Variants in NLRP5 observed in about 807,000 individuals in gnomAD.
The protein encoded by NLRP5 is NACHT, LRR and PYD domains-containing protein 5.
A neutral mutation model predicts 113.1 loss-of-function variants in NLRP5; 93 were observed. That is an observed-to-expected ratio of 0.82 (90% CI 0.70 to 0.98). The LOEUF (loss-of-function observed/expected upper bound fraction) is 0.98, where lower values mean the gene tolerates loss of function less well. Among genes scored for constraint, NLRP5 ranks in the 50% least tolerant of loss-of-function variants. The pLI is 0.00. For missense variants in NLRP5, 1,808 were observed against 1,514.3 expected, an observed-to-expected ratio of 1.19 and a Z score of -3.22; for synonymous variants, 751 against 600.7, an observed-to-expected ratio of 1.25 and a Z score of -3.66.
In NLRP5 at chr19:56,034,069, G is replaced by A. The variant is rs543934661; in HGVS notation, c.2615+360G>A. ...ATAGGCTTGAGCCACCATACCCAGC[G>A]AGATTTTAATTGTATAGAGGTTGAA... is the stretch of plus-strand genomic sequence containing the variant. On this transcript the variant is annotated intron_variant, in intron 9 of 14. Transcript: ENST00000390649. 9.9e-5 allele frequency among the ~76,000 whole-genome samples: 15 copies of A among 152,270 alleles called. No homozygotes were observed. The South Asian group carries it at 1.7e-3, about 17-fold the overall frequency.
chr19:56,003,019 T>G (rs1419855061), intron 1 of NLRP5, among the ~76,000 whole-genome samples: 2 of 150,116 alleles, frequency 1.3e-5, no homozygotes, highest in Non-Finnish European at 2.9e-5. Context: ...GACCGTAAAC[T>G]AGTTCAGCCA....
At chr19:56,000,263 G>A (rs536516771) in intron 1 of NLRP5, among the ~76,000 whole-genome samples, 11 of 150,836 alleles carry the variant, frequency 7.3e-5, no homozygotes, top group African/African-American at 1.7e-4. Context: ...CTGCTACCTC[G>A]CCACTCTTTT....
rs78886925 is a variant in NLRP5 at position 56,013,109 on chromosome 19, C to T, written c.509-2633C>T. ...ATCCACTTTGTGTCTGTGAATTTTG[C>T]CTTTTCTGGACTTTGCATATAAATG... On this transcript the variant is annotated intron_variant, in intron 3 of 14. Transcript: ENST00000390649. Among the ~76,000 whole-genome samples, 1,114 of 152,200 alleles carry T rather than the reference C, an allele frequency of 7.3e-3. 7 individuals are homozygous for T. The highest frequency in any genetic ancestry group is 0.013 in the Non-Finnish European group (880 of 68,008).
chr19:56,036,755 A>G (rs450720), intron 9 of NLRP5, among the ~76,000 whole-genome samples: 77,220 of 151,978 alleles, frequency 0.51, 20,836 homozygotes, highest in East Asian at 0.74. Flanking sequence ...TCAGGAGATC[A>G]AGACCAGCCT....
At chr19:56,028,573 C>A (rs1167779251) in intron 7 of NLRP5, 64 bp downstream of exon 7, 5 of 1,430,450 alleles carry the variant, frequency 3.5e-6, no homozygotes, top group Admixed American at 2.0e-5. Flanking sequence ...ACTGCTGGGA[C>A]TTGACATGAC....
At chr19:56,021,026 C>T (rs926215671) in intron 6 of NLRP5, among the ~76,000 whole-genome samples, 7 of 152,000 alleles carry the variant, frequency 4.6e-5, no homozygotes, top group East Asian at 1.9e-4. Context: ...GGCCTGCCAC[C>T]ATGCCCGACT....
At chr19:56,047,223 G>A (rs1050349422) in intron 11 of NLRP5, among the ~76,000 whole-genome samples, 3 of 151,692 alleles carry the variant, frequency 2.0e-5, no homozygotes, top group Admixed American at 1.3e-4. Flanking sequence ...GTATTTTTTT[G>A]TTTCAGTTTC....
rs1003142647 is a variant in NLRP5 at position 56,019,362 on chromosome 19, C to T, written c.586C>T (p.Gln196Ter). The change falls in exon 5 of 15, where the codon CAA (glutamine) becomes TAA (stop). Residue 196 changes from glutamine (Q) to a stop codon, truncating the protein, a stop_gained. Coordinates refer to ENST00000390649, the MANE Select transcript of NLRP5 (RefSeq NM_153447.4). LOFTEE classifies it high-confidence loss of function. ...TGCAGAAATTTCACAAGCTATGGAA[C>T]AAGAAGGTGCCACAGCAGCAGAGAC... 3 of 1,613,794 alleles carry T rather than the reference C, an allele frequency of 1.9e-6. No individual in the cohort carries two copies. The African/African-American group carries it at 4.0e-5, about 22-fold the overall frequency.
the NLRP5 span, among the ~76,000 whole-genome samples, chr19:55,990,079 C>CTTTTTTTTTT: frequency 3.1e-5 from 3 of 95,956 alleles, no homozygotes; most frequent in Admixed American, 1.3e-4. Context: ...TTTCTTTTTT[C>CTTTTTTTTTT]TTTTTTTTTT....
chr19:55,988,848 T>A, the NLRP5 span, among the ~76,000 whole-genome samples: 1 of 152,036 alleles, frequency 6.6e-6, no homozygotes, highest in African/African-American at 2.4e-5. Flanking sequence ...GTTGAGAGTC[T>A]TTGTCTTCTG....
chr19:56,040,844 C>T (rs1983495395), intron 10 of NLRP5, 78 bp from the exon 11 acceptor site: 3 of 1,264,166 alleles, frequency 2.4e-6, no homozygotes, highest in South Asian at 1.4e-5. Context: ...TACGTCTTTC[C>T]CCTCCTTGTA....
chr19:56,028,038 A>G lies in NLRP5; in HGVS notation c.1805A>G (p.Glu602Gly), dbSNP rs552601105. ...TTGTACTACGTGTTAGAGGGCCTGG[A>G]AATCGAGCCAGCTCTCTGCCCTCTG... Residue 602 changes from glutamate to glycine, a missense_variant, in exon 7 of 15, where the codon GAA (glutamate) becomes GGA (glycine). Transcript: ENST00000390649. The G allele has an allele frequency of 3.1e-6, 5 of 1,614,038 alleles. No homozygotes were observed. The South Asian group carries it at 4.4e-5, about 14-fold the overall frequency.
At chr19:56,021,563 T>G (rs1982618653) in intron 6 of NLRP5, among the ~76,000 whole-genome samples, 1 of 152,182 alleles carries the variant, frequency 6.6e-6, no homozygotes, top group South Asian at 2.1e-4. Flanking sequence ...GTCATGTAGA[T>G]GGAATCATAT....
chr19:56,053,920 GT>G, intron 13 of NLRP5, 112 bp downstream of exon 13: 2 of 932,740 alleles, frequency 2.1e-6, no homozygotes, highest in Non-Finnish European at 3.3e-6. Flanking sequence ...AGTCCCTCAA[GT>G]TAGATGGAGT....
chr19:56,015,658 A>G, intron 3 of NLRP5, 84 bp from the exon 4 acceptor site: 1 of 1,146,690 alleles, frequency 8.7e-7, no homozygotes, highest in South Asian at 2.0e-5. Flanking sequence ...GGCATGACTA[A>G]GTTTATCTGG....
intron 11 of NLRP5, among the ~76,000 whole-genome samples, chr19:56,045,842 G>A (rs12611165): frequency 0.032 from 4,842 of 152,274 alleles, 107 homozygotes; most frequent in South Asian, 0.074. Context: ...GGTAGAGCAT[G>A]TTACAATGAT....
At position 56,041,027 on chromosome 19, in the gene NLRP5, G is replaced by A; in HGVS notation, c.2892G>A (p.Gly964=). 5 of 1,613,980 alleles carry A rather than the reference G, an allele frequency of 3.1e-6. No individual in the cohort carries two copies. Among genetic ancestry groups the A allele is most frequent in the Non-Finnish European group, 4.2e-6 (5 of 1,179,872 alleles). The change falls in exon 11 of 15, where the codon GGG becomes GGA. Residue 964 remains glycine (G), a synonymous_variant. Coordinates refer to ENST00000390649, the MANE Select transcript of NLRP5 (RefSeq NM_153447.4). ...TGTGCCTATCCAACAACAGCCTGGG[G>A]AACGAAGGTGTAAATCTACTGTGTC...
upstream of NLRP5, among the ~76,000 whole-genome samples, chr19:55,998,713 T>TATATATATATAC (rs1332477650): frequency 8.2e-6 from 1 of 122,170 alleles, no homozygotes; most frequent in Non-Finnish European, 1.6e-5. Flanking sequence ...TGTGTGTGTG[T>TATATATATATAC]GTATATATAT....
intron 2 of NLRP5, 123 bp downstream of exon 2, chr19:56,004,218 A>G: frequency 9.6e-7 from 1 of 1,040,792 alleles, no homozygotes; most frequent in Non-Finnish European, 1.4e-6. Context: ...CTGAGCTGTG[A>G]GAAGGATCCT....
Sources: gnomAD v4.1 joint callset for allele counts (sites outside exome capture counted in the v4.1 genomes callset) on GRCh38, gnomAD v4.1.1 for gene constraint, MANE v1.5 for transcripts, NCBI Gene and HGNC (gene_info 2026-07-23, HGNC 2026-07-21) for gene names.